Variants in WDFY4 observed in about 807,000 individuals in gnomAD.
WDFY4 encodes WDFY family member 4, also known as WD repeat- and FYVE domain-containing protein 4.
A neutral mutation model predicts 351.9 loss-of-function variants in WDFY4; 169 were observed. The ratio of observed to expected loss-of-function variants is 0.48; its 90% CI spans 0.42 to 0.55. The LOEUF is 0.55. Among genes scored for constraint, WDFY4 ranks in the 20% least tolerant of loss-of-function variants. The pLI is 0.00. For missense variants in WDFY4, 3,803 were observed against 3,935.6 expected (o/e 0.97, Z 0.90); for synonymous variants, 1,622 against 1,574.6 (o/e 1.03, Z -0.71).
chr10:48,918,340 G>C (rs1366078730), intron 47 of WDFY4, among the ~76,000 whole-genome samples: 1 of 152,112 alleles, frequency 6.6e-6, no homozygotes, highest in Non-Finnish European at 1.5e-5. Context: ...TATAAAGAAA[G>C]TATACTTTAA....
At chr10:48,896,227 A>G (rs1837069869) in intron 44 of WDFY4, among the ~76,000 whole-genome samples, 1 of 152,212 alleles carries the variant, frequency 6.6e-6, no homozygotes, top group Admixed American at 6.5e-5. Flanking sequence ...CCAAGGGGCA[A>G]AGGATATTTG....
At chr10:48,863,415 T>C (rs766235635) in intron 39 of WDFY4, among the ~76,000 whole-genome samples, 1 of 152,176 alleles carries the variant, frequency 6.6e-6, no homozygotes, top group Non-Finnish European at 1.5e-5. Context: ...ATTGATCTCA[T>C]TGTGAGTTTT....
chr10:48,918,996 T>G lies in WDFY4; in HGVS notation c.7586+17133T>G, dbSNP rs542139709. ...ACTGAATCTGACATGTATAAAGCAC[T>G]CTACCTAGCAACTGCAGAATACAAA... is the stretch of plus-strand genomic sequence containing the variant. On this transcript the variant is annotated intron_variant, in intron 47 of 61. Coordinates refer to ENST00000325239, the MANE Select transcript of WDFY4 (RefSeq NM_001394531.1). Among the ~76,000 whole-genome samples the G allele has an allele frequency of 2.6e-5, 4 of 152,272 alleles. No individual in the cohort carries two copies. The South Asian group carries it at 8.3e-4, about 32-fold the overall frequency.
rs78769819 is a variant in WDFY4, at chr10:48,941,425, T to G, written c.7587-381T>G. Among the ~76,000 whole-genome samples the G allele has an allele frequency of 4.2e-3, 634 of 152,270 alleles. 4 individuals carry two copies. Among genetic ancestry groups the G allele is most frequent in the East Asian group, 0.019 (98 of 5,170 alleles). ...TCATGGCCTTCCACGTTGTTTGCAT[T>G]TTATCCACGAGCAAAACAAGGGGTC... is the stretch of plus-strand genomic sequence containing the variant. On this transcript the variant is annotated intron_variant, in intron 47 of 61. Transcript: ENST00000325239.
At chr10:48,943,524 G>T in intron 49 of WDFY4, 75 bp downstream of exon 49, 17 of 1,468,238 alleles carry the variant, frequency 1.2e-5, no homozygotes, top group Non-Finnish European at 1.6e-5. Flanking sequence ...AAGTCAGCAT[G>T]CAGAGCCTCT....
At chr10:48,710,309 A>G (rs1353083807) in intron 2 of WDFY4, among the ~76,000 whole-genome samples, 1 of 152,148 alleles carries the variant, frequency 6.6e-6, no homozygotes, top group Non-Finnish European at 1.5e-5. Flanking sequence ...GGCTTCTTTT[A>G]TAAGGGCACT....
intron 21 of WDFY4, among the ~76,000 whole-genome samples, chr10:48,789,194 C>T (rs2066596156): frequency 6.6e-6 from 1 of 151,942 alleles, no homozygotes; most frequent in South Asian, 2.1e-4. Flanking sequence ...ATTAAAACAA[C>T]AAACAAACAA....
chr10:48,715,100 A>T (rs960049284), intron 2 of WDFY4, among the ~76,000 whole-genome samples: 3 of 152,248 alleles, frequency 2.0e-5, no homozygotes, highest in African/African-American at 7.2e-5. Context: ...TGTGGAGAGG[A>T]TCCAAGGCCC....
chr10:48,968,883 C>T lies in WDFY4; in HGVS notation c.8585-181C>T, dbSNP rs1842208487. 63 of 632,508 alleles carry T rather than the reference C, an allele frequency of 1.0e-4. No homozygotes were observed. The South Asian group carries it at 1.2e-3, about 13-fold the overall frequency. 39.2% of individuals were successfully genotyped at this position (632,508 alleles called of 1,614,324 possible). ...CTACAGTGGGTGCTGTCCTTCTGTG[C>T]ATAAGTTCAAGTCCAGTGTGTCTGC... On this transcript the variant is annotated intron_variant, in intron 55 of 61. Coordinates refer to ENST00000325239, the MANE Select transcript of WDFY4 (RefSeq NM_001394531.1).
At chr10:48,927,654 G>A (rs112106920) in intron 47 of WDFY4, among the ~76,000 whole-genome samples, 13 of 152,232 alleles carry the variant, frequency 8.5e-5, no homozygotes, top group East Asian at 1.9e-4. Flanking sequence ...TCGCACCAGC[G>A]TGGCTCTGCA....
Position 48,877,065 on chromosome 10 carries a change from C to A in WDFY4, c.7033C>A (p.Pro2345Thr), listed in dbSNP as rs543836252. The A allele has an allele frequency of 6.6e-7, 1 of 1,516,880 alleles. No individual in the cohort carries two copies. The highest frequency in any genetic ancestry group is 8.9e-7 in the Non-Finnish European group (1 of 1,129,026). 94.0% of individuals were successfully genotyped at this position (1,516,880 alleles called of 1,614,324 possible). ...GACACTGAGGGAGGCTGAGGGCGAGCCGGACGAGGTGGGGGTGGACTGCAC... is the reference window on the plus strand; with the variant it reads ...GACACTGAGGGAGGCTGAGGGCGAGACGGACGAGGTGGGGGTGGACTGCAC... ...ELTLREAEGE[P>T]DEVGVDCTQL... The change falls in exon 43 of 62, where the codon CCG becomes ACG. Residue 2345 changes from proline to threonine, a missense_variant. Physicochemically the swap from Pro to Thr is conservative, Grantham distance 38. Transcript: ENST00000325239.
intron 35 of WDFY4, among the ~76,000 whole-genome samples, chr10:48,822,867 ACCT>A (rs773470732): frequency 1.8e-4 from 28 of 152,174 alleles, no homozygotes; most frequent in Middle Eastern, 3.4e-3. Context: ...TTGTTATTAT[ACCT>A]CCTCAGCTAA....
intron 47 of WDFY4, among the ~76,000 whole-genome samples, chr10:48,920,556 A>G (rs1337471319): frequency 1.3e-5 from 2 of 152,252 alleles, no homozygotes; most frequent in Non-Finnish European, 2.9e-5. Context: ...AGCTAGAGCT[A>G]GTATCATACT....
chr10:48,949,179 G>A (rs1015726324), intron 51 of WDFY4, among the ~76,000 whole-genome samples: 2 of 152,152 alleles, frequency 1.3e-5, no homozygotes, highest in Non-Finnish European at 2.9e-5. Context: ...TCTGTCTTGG[G>A]TAGATTGACC....
At chr10:48,936,761 C>A (rs1840390040) in intron 47 of WDFY4, among the ~76,000 whole-genome samples, 1 of 150,972 alleles carries the variant, frequency 6.6e-6, no homozygotes, top group Non-Finnish European at 1.5e-5. Flanking sequence ...TCGCTTGAAC[C>A]CAGGAGACAG....
intron 34 of WDFY4, among the ~76,000 whole-genome samples, chr10:48,821,555 G>A (rs1323481405): frequency 1.3e-5 from 2 of 152,222 alleles, no homozygotes; most frequent in Non-Finnish European, 2.9e-5. Context: ...CACAGCTGAT[G>A]TTTCTTAAAC....
At chr10:48,787,980 T>TCTTCTTCTCCTTCTCCTTCTC (rs2066540212) in intron 20 of WDFY4, among the ~76,000 whole-genome samples, 1 of 52,936 alleles carries the variant, frequency 1.9e-5, no homozygotes, top group Non-Finnish European at 3.9e-5. Flanking sequence ...TTCTTCTTCT[T>TCTTCTTCTCCTTCTCCTTCTC]CTTCTCCTTC....
At chr10:48,892,545 T>C (rs1490823835) in intron 44 of WDFY4, among the ~76,000 whole-genome samples, 1 of 152,230 alleles carries the variant, frequency 6.6e-6, no homozygotes, top group African/African-American at 2.4e-5. Flanking sequence ...TCTCATCTGG[T>C]GCCCTAAGAA....
Position 48,805,277 on chromosome 10 carries a change from C to G in WDFY4, c.4502C>G (p.Ala1501Gly). 6.5e-7 allele frequency: 1 copy of G among 1,544,762 alleles called. No homozygotes were observed. The highest frequency in any genetic ancestry group is 8.7e-7 in the Non-Finnish European group (1 of 1,146,932). The change falls in exon 26 of 62, where the codon GCT (alanine) becomes GGT (glycine). Residue 1501 changes from alanine (A) to glycine (G), a missense_variant. By Grantham distance (60) the Ala-to-Gly change is moderately conservative (BLOSUM62 0). Transcript: ENST00000325239. ...CTCACCAGGGAAGGACCCAGGAATG[C>G]TGAAGCTGCCCACCAGGCACAGCTT... The part of the protein sequence containing the change: ...LQSPREGPRN[A>G]EAAHQAQLIP...
Sources: gnomAD v4.1 joint callset for allele counts (sites outside exome capture counted in the v4.1 genomes callset) on GRCh38, gnomAD v4.1.1 for gene constraint, MANE v1.5 for transcripts, NCBI Gene and HGNC (gene_info 2026-07-23, HGNC 2026-07-21) for gene names.